APBA1: variants seen among roughly 807,000 people sequenced by gnomAD.
APBA1 encodes the protein amyloid-beta A4 precursor protein-binding family A member 1.
A neutral mutation model predicts 86.6 loss-of-function variants in APBA1; 55 were observed. The observed-to-expected ratio is 0.64, with a 90% confidence interval of 0.51 to 0.80. The LOEUF is 0.80. APBA1 is among the 30% of genes least tolerant of loss of function. The pLI, the probability that APBA1 is intolerant of heterozygous loss-of-function variation, is 0.00. For missense variants in APBA1, 1,090 were observed against 1,183.0 expected, an observed-to-expected ratio of 0.92 and a Z score of 1.15; for synonymous variants, 511 against 493.9, an observed-to-expected ratio of 1.03 and a Z score of -0.46.
At chr9:69,468,988 C>T (rs1835324751) in intron 4 of APBA1, among the ~76,000 whole-genome samples, 1 of 152,014 alleles carries the variant, frequency 6.6e-6, no homozygotes, top group African/African-American at 2.4e-5. Flanking sequence ...CCTCAGCCTC[C>T]CAAGTGGCTG....
At chr9:69,639,816 G>T (rs1396305603) in intron 1 of APBA1, among the ~76,000 whole-genome samples, 1 of 152,070 alleles carries the variant, frequency 6.6e-6, no homozygotes, top group African/African-American at 2.4e-5. Context: ...ATAAATGAGG[G>T]AATAGTAAAA....
At chr9:69,637,820 TA>T (rs1462856084) in intron 1 of APBA1, among the ~76,000 whole-genome samples, 1 of 152,226 alleles carries the variant, frequency 6.6e-6, no homozygotes, top group African/African-American at 2.4e-5. Flanking sequence ...AGTTACATTT[TA>T]ATAGGAAAGC....
At chr9:69,556,096 A>G (rs1836856176) in intron 1 of APBA1, among the ~76,000 whole-genome samples, 1 of 152,178 alleles carries the variant, frequency 6.6e-6, no homozygotes, top group Non-Finnish European at 1.5e-5. Context: ...AGCATTTAGA[A>G]ATTCTCCAAC....
At chr9:69,564,885 T>C (rs1837001122) in intron 1 of APBA1, among the ~76,000 whole-genome samples, 1 of 152,244 alleles carries the variant, frequency 6.6e-6, no homozygotes, top group Non-Finnish European at 1.5e-5. Flanking sequence ...CTTAGCAGCA[T>C]TATTCACAAC....
At chr9:69,451,075 T>C (rs1224224989) in intron 9 of APBA1, among the ~76,000 whole-genome samples, 1 of 152,182 alleles carries the variant, frequency 6.6e-6, no homozygotes, top group Non-Finnish European at 1.5e-5. Flanking sequence ...CCCTAGTAAA[T>C]TCATATACCC....
intron 1 of APBA1, among the ~76,000 whole-genome samples, chr9:69,548,329 G>A (rs1023860221): frequency 2.0e-5 from 3 of 152,152 alleles, no homozygotes; most frequent in Admixed American, 1.3e-4. Context: ...CTCCAGAAAG[G>A]ACAGAGCCCT....
chr9:69,626,491 AAG>A, intron 1 of APBA1, among the ~76,000 whole-genome samples: 1 of 152,310 alleles, frequency 6.6e-6, no homozygotes, highest in South Asian at 2.1e-4. Context: ...ATTAAAAATG[AAG>A]AGTCACATAC....
chr9:69,671,737 C>T (rs1823952245), intron 1 of APBA1, among the ~76,000 whole-genome samples: 1 of 152,160 alleles, frequency 6.6e-6, no homozygotes, highest in Non-Finnish European at 1.5e-5. Context: ...CATTCTTTCT[C>T]CAGGAGAGTC....
At chr9:69,484,336 C>T (rs1401324089) in intron 2 of APBA1, among the ~76,000 whole-genome samples, 6 of 152,128 alleles carry the variant, frequency 3.9e-5, no homozygotes, top group Admixed American at 6.5e-5. Flanking sequence ...GAGGTGACTG[C>T]TGCTGAGTAC....
At chr9:69,662,021 A>AACACACACACACACACACAC (rs3069250) in intron 1 of APBA1, among the ~76,000 whole-genome samples, 10 of 146,650 alleles carry the variant, frequency 6.8e-5, no homozygotes, top group African/African-American at 2.5e-4. Context: ...GACAAACAGT[A>AACACACACACACACACACAC]ACACACACAC....
intron 1 of APBA1, among the ~76,000 whole-genome samples, chr9:69,624,819 T>C (rs1308268134): frequency 2.6e-5 from 4 of 152,212 alleles, no homozygotes; most frequent in Non-Finnish European, 5.9e-5. Context: ...TGAGTTTAGA[T>C]AGACATCAAC....
intron 1 of APBA1, among the ~76,000 whole-genome samples, chr9:69,517,899 G>A (rs997765418): frequency 2.6e-5 from 4 of 152,272 alleles, no homozygotes; most frequent in African/African-American, 9.6e-5. Context: ...GGGTAAAAAA[G>A]ACTCGGTGGT....
intron 1 of APBA1, among the ~76,000 whole-genome samples, chr9:69,542,166 A>G (rs961376243): frequency 5.3e-5 from 8 of 152,176 alleles, no homozygotes; most frequent in Non-Finnish European, 8.8e-5. Context: ...TCCCATATAC[A>G]TCTCCTCTTC....
At chr9:69,638,429 C>T (rs1056113541) in intron 1 of APBA1, among the ~76,000 whole-genome samples, 16 of 152,026 alleles carry the variant, frequency 1.1e-4, no homozygotes, top group Admixed American at 1.3e-4. Flanking sequence ...TTAGTAGAGA[C>T]GGGGTTTCAC....
intron 1 of APBA1, among the ~76,000 whole-genome samples, chr9:69,625,911 T>C (rs1822918890): frequency 6.6e-6 from 1 of 152,174 alleles, no homozygotes; most frequent in African/African-American, 2.4e-5. Flanking sequence ...GCACATTCTT[T>C]GGGCAGTATA....
chr9:69,516,228 G>T lies in APBA1; in HGVS notation c.983C>A (p.Pro328His), dbSNP rs757323730. 1.4e-6 allele frequency: 2 copies of T among 1,478,934 alleles called. No homozygotes were observed. Among genetic ancestry groups the T allele is most frequent in the Non-Finnish European group, 1.8e-6 (2 of 1,112,326 alleles). 91.6% of individuals were successfully genotyped at this position (1,478,934 alleles called of 1,614,324 possible). ...CTGCCCCGCCTCGCCGCCGCCCGCG[G>T]GGCCCACCGCCCGCTGCTGCCCCGC... ...APAGQQRAVGPAGGGEAGQRY... is the reference protein window; with the variant it reads ...APAGQQRAVGHAGGGEAGQRY... The change falls in exon 2 of 13, where the codon CCC becomes CAC. Residue 328 changes from proline (P) to histidine (H), a missense_variant. Transcript: ENST00000265381. The surrounding 1 kb of genome is among the most constrained non-coding windows in gnomAD (Gnocchi z 7.3).
At chr9:69,451,474 G>A (rs886623794) in intron 9 of APBA1, among the ~76,000 whole-genome samples, 2 of 152,126 alleles carry the variant, frequency 1.3e-5, no homozygotes, top group African/African-American at 4.8e-5. Context: ...CAGATCTCAG[G>A]CCCATCTATC....
chr9:69,567,490 T>A (rs570742242), intron 1 of APBA1, among the ~76,000 whole-genome samples: 1 of 152,268 alleles, frequency 6.6e-6, no homozygotes, highest in South Asian at 2.1e-4. Flanking sequence ...TTGTTACATA[T>A]GTATACATGT....
At chr9:69,560,229 CTCTT>C (rs1390976030) in intron 1 of APBA1, among the ~76,000 whole-genome samples, 1 of 152,118 alleles carries the variant, frequency 6.6e-6, no homozygotes, top group African/African-American at 2.4e-5. Flanking sequence ...TTGGTGATTT[CTCTT>C]TCTTTCTTTT....
Sources: allele counts gnomAD v4.1 joint callset (sites outside exome capture counted in the v4.1 genomes callset), GRCh38; gene constraint gnomAD v4.1.1; non-coding constraint Gnocchi (gnomAD v3.1); transcripts MANE v1.5; gene names NCBI Gene and HGNC (gene_info 2026-07-23, HGNC 2026-07-21).